MYRFL: variants seen among roughly 807,000 people sequenced by gnomAD.
MYRFL encodes the protein myelin regulatory factor-like protein.
A neutral mutation model predicts 109.4 loss-of-function variants in MYRFL; 88 were observed. The ratio of observed to expected loss-of-function variants is 0.80; its 90% CI spans 0.68 to 0.96. The LOEUF is 0.96. Among genes scored for constraint, MYRFL ranks in the 40% least tolerant of loss-of-function variants. The pLI, the probability that MYRFL is intolerant of heterozygous loss-of-function variation, is 0.00. For missense variants in MYRFL, 957 were observed against 954.9 expected (o/e 1.00, Z -0.03); for synonymous variants, 324 against 320.9 (o/e 1.01, Z -0.10).
Position 69,825,484 on chromosome 12 carries a change from T to A in MYRFL, c.-34T>A, listed in dbSNP as rs1565954577. 1.4e-6 allele frequency: 1 copy of A among 700,014 alleles called. No individual in the cohort carries two copies. The highest frequency in any genetic ancestry group is 2.6e-6 in the Non-Finnish European group (1 of 383,696). The allele number at this position is 700,014 out of a possible 1,614,324, so 43.4% of individuals were successfully genotyped here. A position where few individuals can be genotyped will look rare whatever the true frequency, so the allele number is the denominator to read the frequency against. On this transcript the variant is annotated 5_prime_UTR_variant, in exon 1 of 25. Transcript: ENST00000552032. Reference sequence around the variant, plus strand: ...ATTTCCTGAGGTCTGATAACCGTTGTTTTATGAGGAAATAGTACTAGGATC... The same window carrying A: ...ATTTCCTGAGGTCTGATAACCGTTGATTTATGAGGAAATAGTACTAGGATC...
intron 5 of MYRFL, among the ~76,000 whole-genome samples, chr12:69,882,017 C>T (rs1886149675): frequency 6.6e-6 from 1 of 152,124 alleles, no homozygotes; most frequent in Non-Finnish European, 1.5e-5. Context: ...TCCAAGAATT[C>T]CCTCATCAAA....
chr12:69,889,782 G>A (rs758087497), intron 6 of MYRFL, among the ~76,000 whole-genome samples: 18 of 152,086 alleles, frequency 1.2e-4, no homozygotes, highest in Middle Eastern at 3.2e-3. Context: ...GCTTGAACCC[G>A]GGAGGCGGAG....
chr12:69,876,442 T>C (rs12424128), intron 2 of MYRFL, among the ~76,000 whole-genome samples: 7,565 of 152,188 alleles, frequency 0.05, 185 homozygotes, highest in South Asian at 0.075. Context: ...AGGGTCAGAT[T>C]TGGTAGGAGT....
At chr12:69,853,104 A>G (rs1323066075) in intron 1 of MYRFL, among the ~76,000 whole-genome samples, 1 of 152,118 alleles carries the variant, frequency 6.6e-6, no homozygotes, top group African/African-American at 2.4e-5. Flanking sequence ...TGTTGGGTAC[A>G]CCTCCCAGAC....
At chr12:69,940,082 T>G (rs867590415) in intron 19 of MYRFL, among the ~76,000 whole-genome samples, 2,504 of 151,654 alleles carry the variant, frequency 0.017, 34 homozygotes, top group South Asian at 0.035. Flanking sequence ...CTGACTGGTG[T>G]ACCTGAAAGT....
At chr12:69,879,007 A>G (rs182338355) in intron 2 of MYRFL, 21 bp from the exon 3 acceptor site, 5 of 702,798 alleles carry the variant, frequency 7.1e-6, no homozygotes, top group African/African-American at 5.2e-5. Flanking sequence ...CAAAAACGCA[A>G]TGTATGTCTC....
rs1887055632 is a variant in MYRFL at position 69,893,816 on chromosome 12, G to A, written c.956G>A (p.Ser319Asn). 3 of 1,383,654 alleles carry A rather than the reference G, an allele frequency of 2.2e-6. No individual in the cohort carries two copies. The highest frequency in any genetic ancestry group is 2.8e-6 in the Non-Finnish European group (3 of 1,068,406). The allele number at this position is 1,383,654 out of a possible 1,614,324, so 85.7% of individuals were successfully genotyped here. A position where few individuals can be genotyped will look rare whatever the true frequency, so the allele number is the denominator to read the frequency against. The change falls in exon 8 of 25, where the codon AGC becomes AAC. Residue 319 changes from serine to asparagine, a missense_variant. By Grantham distance (46) the Ser-to-Asn change is conservative. Coordinates refer to ENST00000552032, the MANE Select transcript of MYRFL (RefSeq NM_182530.3). ...ATTGAACAGTCCCAAGCAGATAGGA[G>A]CAAAAAGATTTTCAATCCTGTTAAG... Reference protein sequence around the residue: ...IAIEQSQADRSKKIFNPVKID... With the variant: ...IAIEQSQADRNKKIFNPVKID...
At chr12:69,949,470 T>C (rs1431493699) in intron 19 of MYRFL, among the ~76,000 whole-genome samples, 1 of 152,182 alleles carries the variant, frequency 6.6e-6, no homozygotes, top group Non-Finnish European at 1.5e-5. Flanking sequence ...GCAAGCCTGC[T>C]CTGGCCCCAC....
At chr12:69,844,365 C>T (rs1366176909) in intron 1 of MYRFL, among the ~76,000 whole-genome samples, 1 of 152,128 alleles carries the variant, frequency 6.6e-6, no homozygotes, top group African/African-American at 2.4e-5. Flanking sequence ...TATAGGCCAC[C>T]TCCTATTTCT....
intron 7 of MYRFL, among the ~76,000 whole-genome samples, chr12:69,893,179 A>G (rs1169820468): frequency 6.6e-6 from 1 of 152,240 alleles, no homozygotes; most frequent in Non-Finnish European, 1.5e-5. Flanking sequence ...ATTTGTTACA[A>G]TGTGAATACC....
At chr12:69,867,340 T>C (rs548169161) in intron 2 of MYRFL, among the ~76,000 whole-genome samples, 1 of 152,236 alleles carries the variant, frequency 6.6e-6, no homozygotes, top group Non-Finnish European at 1.5e-5. Flanking sequence ...AAGTGTTATA[T>C]GCACGTGTGT....
chr12:69,952,009 G>A (rs1018077715), intron 19 of MYRFL, 104 bp from the exon 20 acceptor site: 11 of 869,006 alleles, frequency 1.3e-5, no homozygotes, highest in Non-Finnish European at 2.0e-5. Context: ...AGACAGAAAG[G>A]GTGGGGGAAC....
At chr12:69,841,618 G>T (rs1382549086) in intron 1 of MYRFL, among the ~76,000 whole-genome samples, 1 of 152,182 alleles carries the variant, frequency 6.6e-6, no homozygotes, top group Non-Finnish European at 1.5e-5. Flanking sequence ...CACCAGGTCA[G>T]ACTTTCACAG....
chr12:69,889,237 G>T (rs1433276693), intron 6 of MYRFL, among the ~76,000 whole-genome samples: 1 of 151,734 alleles, frequency 6.6e-6, no homozygotes, highest in African/African-American at 2.4e-5. Flanking sequence ...CCCACATTTA[G>T]GAAGCTTGAT....
rs541908182 is a variant in MYRFL at position 69,949,643 on chromosome 12, T to C, written c.2225-2470T>C. Among the ~76,000 whole-genome samples the C allele has an allele frequency of 1.6e-3, 229 of 146,054 alleles. 2 individuals are homozygous for C. The highest frequency in any genetic ancestry group is 3.9e-3 in the Admixed American group (55 of 14,054). ...ACTTTCTTAAAACATTATGAGATTT[T>C]TTTTTTGTAATTTTTTTTTTTTTTA... On this transcript the variant is annotated intron_variant, in intron 19 of 24. Coordinates refer to ENST00000552032, the MANE Select transcript of MYRFL (RefSeq NM_182530.3).
chr12:69,904,894 C>A (rs528621968), intron 11 of MYRFL, among the ~76,000 whole-genome samples: 2 of 152,274 alleles, frequency 1.3e-5, no homozygotes, highest in Non-Finnish European at 2.9e-5. Context: ...GACTGCATTC[C>A]TTTCTCAGTG....
intron 20 of MYRFL, among the ~76,000 whole-genome samples, chr12:69,952,390 T>A (rs987701416): frequency 6.6e-6 from 1 of 152,220 alleles, no homozygotes; most frequent in Non-Finnish European, 1.5e-5. Flanking sequence ...GTGGTTGATC[T>A]CCATGGATGT....
At chr12:69,828,831 C>T (rs1219892587) in intron 1 of MYRFL, among the ~76,000 whole-genome samples, 3 of 152,068 alleles carry the variant, frequency 2.0e-5, no homozygotes, top group African/African-American at 7.2e-5. Flanking sequence ...TCAGAGGACT[C>T]ATTATTTGTT....
intron 5 of MYRFL, among the ~76,000 whole-genome samples, chr12:69,884,967 A>G (rs1331966490): frequency 3.3e-5 from 5 of 152,142 alleles, no homozygotes. Flanking sequence ...TGTGATTCAA[A>G]CCCAGATCTG....
Sources: gnomAD v4.1 joint callset for allele counts (sites outside exome capture counted in the v4.1 genomes callset) on GRCh38, gnomAD v4.1.1 for gene constraint, MANE v1.5 for transcripts, NCBI Gene and HGNC (gene_info 2026-07-23, HGNC 2026-07-21) for gene names.